Variants in ARHGAP23 observed in about 807,000 individuals in gnomAD.
ARHGAP23 encodes rho GTPase-activating protein 23.
A neutral mutation model predicts 136.3 loss-of-function variants in ARHGAP23; 34 were observed. That is an observed-to-expected ratio of 0.25 (90% CI 0.19 to 0.33). The LOEUF is 0.33. ARHGAP23 is among the 10% of genes least tolerant of loss of function. The pLI is 1.00. For synonymous variants in ARHGAP23, 832 were observed against 920.5 expected (o/e 0.90, Z 1.74); for missense variants, 1,808 against 2,139.0 (o/e 0.85, Z 3.05).
intron 17 of ARHGAP23, among the ~76,000 whole-genome samples, chr17:38,486,460 C>T (rs1017224751): frequency 3.3e-5 from 5 of 151,334 alleles, no homozygotes; most frequent in Non-Finnish European, 7.4e-5. Flanking sequence ...GTGTTGCACT[C>T]CTGGGCTCAA....
Position 38,445,723 on chromosome 17 carries a change from G to T in ARHGAP23, c.64-12379G>T, listed in dbSNP as rs1203029831. ...GATCACGGCTCACTGCAGCCTTGAC[G>T]CCCTGGGCTCAAGGGATCCTCCCAT... On this transcript the variant is annotated intron_variant, in intron 1 of 23. Transcript: ENST00000622683. 4.0e-5 allele frequency among the ~76,000 whole-genome samples: 6 copies of T among 150,982 alleles called. No homozygotes were observed. In the South Asian group the frequency reaches 8.4e-4, roughly 21 times the overall value.
Position 38,463,336 on chromosome 17 carries a change from C to G in ARHGAP23, c.437C>G (p.Thr146Ser), listed in dbSNP as rs1411574522. 3.2e-6 allele frequency: 5 copies of G among 1,551,612 alleles called. No individual in the cohort carries two copies. The highest frequency in any genetic ancestry group is 3.5e-6 in the Non-Finnish European group (4 of 1,146,994). ...TCTGCCTGTCTCTGTAGTGATGACA[C>G]TCTGGAGCTGTCTATCATGCCCAAG... Reference protein sequence around the residue: ...VIALIQNSDDTLELSIMPKDE... With the variant: ...VIALIQNSDDSLELSIMPKDE... Residue 146 changes from threonine (T) to serine (S), a missense_variant, in exon 6 of 24, where the codon ACT (threonine) becomes AGT (serine). This residue lies in a region of ARHGAP23 where 859 missense variants were observed against 936.4 expected (regional missense o/e 0.92). Coordinates refer to ENST00000622683, the MANE Select transcript of ARHGAP23 (RefSeq NM_001199417.2).
intron 20 of ARHGAP23, among the ~76,000 whole-genome samples, chr17:38,493,228 A>C (rs1018815380): frequency 2.9e-5 from 4 of 138,776 alleles, no homozygotes; most frequent in African/African-American, 1.1e-4. Context: ...TTTTTGATAG[A>C]GTCTCAGTCT....
rs754612095 is a variant in ARHGAP23, at chr17:38,469,199, T to C, written c.1704T>C (p.Ala568=). The C allele has an allele frequency of 2.6e-6, 4 of 1,551,550 alleles. No homozygotes were observed. The highest frequency in any genetic ancestry group is 2.0e-5 in the Admixed American group (1 of 50,962). ...DLQAKHVPAS[A]VVSSAMNSAP... The stretch of plus-strand genomic sequence containing the variant: ...AAGCCAAGCACGTCCCTGCCTCTGC[T>C]GTGGTCTCCAGTGCCATGAACTCAG... Residue 568 remains alanine (A), a synonymous_variant, in exon 8 of 24, where the codon GCT becomes GCC. Coordinates refer to ENST00000622683, the MANE Select transcript of ARHGAP23 (RefSeq NM_001199417.2).
At chr17:38,502,319 G>A (rs2040540457) in intron 23 of ARHGAP23, among the ~76,000 whole-genome samples, 1 of 152,166 alleles carries the variant, frequency 6.6e-6, no homozygotes. Flanking sequence ...AAAAAGAAAG[G>A]AAAATAGAAG....
Position 38,509,951 on chromosome 17 carries a change from G to C in ARHGAP23, c.3455G>C (p.Trp1152Ser). ...GACCTGTCTCCCACACAGGGTTCGT[G>C]GGCCCCCAAGAAGGAGCCGTACGCC... ...TCSSAKSKGS[W>S]APKKEPYARE... The change falls in exon 24 of 24, where the codon TGG becomes TCG. Residue 1152 changes from tryptophan (W) to serine (S), a missense_variant. Trp to Ser is a radical substitution (Grantham distance 177, BLOSUM62 -3). Coordinates refer to ENST00000622683, the MANE Select transcript of ARHGAP23 (RefSeq NM_001199417.2). 8.0e-7 allele frequency: 1 copy of C among 1,250,322 alleles called. No individual in the cohort carries two copies. The highest frequency in any genetic ancestry group is 3.9e-5 in the South Asian group (1 of 25,502). The allele number at this position is 1,250,322 out of a possible 1,614,324, so 77.5% of individuals were successfully genotyped here. A position where few individuals can be genotyped will look rare whatever the true frequency, so the allele number is the denominator to read the frequency against.
At position 38,466,308 on chromosome 17, in the gene ARHGAP23, C is replaced by G. The variant is rs1200581299; in HGVS notation, c.625C>G (p.Pro209Ala). 1.9e-6 allele frequency: 3 copies of G among 1,546,242 alleles called. No homozygotes were observed. The African/African-American group carries it at 4.1e-5, about 21-fold the overall frequency. Residue 209 changes from proline (P) to alanine (A), a missense_variant, in exon 7 of 24, where the codon CCT becomes GCT. This residue lies in a region of ARHGAP23 where 859 missense variants were observed against 936.4 expected (regional missense o/e 0.92). Coordinates refer to ENST00000622683, the MANE Select transcript of ARHGAP23 (RefSeq NM_001199417.2). ...GGCCTCCACCAGGGCCACTATGGTG[C>G]CTGAGCCCACCTCAGCACTGCCCAG... ...ARASTRATMVPEPTSALPSDP... is the reference protein window; with the variant it reads ...ARASTRATMVAEPTSALPSDP...
chr17:38,453,938 G>C lies in ARHGAP23; in HGVS notation c.64-4164G>C, dbSNP rs1255455633. 3 of 146,242 alleles carry C rather than the reference G, an allele frequency of 2.1e-5. No individual in the cohort carries two copies. The East Asian group carries it at 5.9e-4, about 29-fold the overall frequency. The allele number at this position is 146,242 out of a possible 1,614,324, so 9.1% of individuals were successfully genotyped here. A position where few individuals can be genotyped will look rare whatever the true frequency, so the allele number is the denominator to read the frequency against. ...GCCCGGCCTGGGGCGTACTGGGGCC[G>C]GGGCAGTGGCCGGGCCCGGGAGCCC... On this transcript the variant is annotated intron_variant, in intron 1 of 23. Coordinates refer to ENST00000622683, the MANE Select transcript of ARHGAP23 (RefSeq NM_001199417.2).
intron 23 of ARHGAP23, among the ~76,000 whole-genome samples, chr17:38,503,134 A>T (rs911565131): frequency 1.3e-5 from 2 of 152,204 alleles, no homozygotes; most frequent in Non-Finnish European, 2.9e-5. Flanking sequence ...ACAGAGAGAG[A>T]GAGGAAGAGC....
intron 16 of ARHGAP23, among the ~76,000 whole-genome samples, chr17:38,483,960 G>A (rs1311358994): frequency 6.6e-6 from 1 of 152,172 alleles, no homozygotes. Context: ...GAGGCCCCAG[G>A]GGGACAGAGA....
chr17:38,477,668 C>G lies in ARHGAP23; in HGVS notation c.2208C>G (p.Pro736=), dbSNP rs1459338718. 2 of 1,287,724 alleles carry G rather than the reference C, an allele frequency of 1.6e-6. No homozygotes were observed. The highest frequency in any genetic ancestry group is 4.4e-5 in the Admixed American group (1 of 22,956). 79.8% of individuals were successfully genotyped at this position (1,287,724 alleles called of 1,614,324 possible). A position where few individuals can be genotyped will look rare whatever the true frequency, so the allele number is the denominator to read the frequency against. The change falls in exon 12 of 24, where the codon CCC becomes CCG. Residue 736 remains proline (P), a synonymous_variant. Transcript: ENST00000622683. This position sits in a 1 kb window ranked among gnomAD's most constrained non-coding sequence, Gnocchi z 6.6. ...SLSLSKERRE[P]GPAAAGAAAA... ...CGCTGAGCAAGGAGCGGCGGGAGCC[C>G]GGGCCGGCGGCGGCGGGGGCTGCGG...
chr17:38,446,495 A>G (rs1229782635), intron 1 of ARHGAP23, among the ~76,000 whole-genome samples: 5 of 152,148 alleles, frequency 3.3e-5, no homozygotes, highest in Non-Finnish European at 7.3e-5. Flanking sequence ...GCTGTTGTGA[A>G]TAACACTGCT....
At chr17:38,492,136 G>A (rs1286078131) in intron 20 of ARHGAP23, among the ~76,000 whole-genome samples, 3 of 152,178 alleles carry the variant, frequency 2.0e-5, no homozygotes, top group Non-Finnish European at 4.4e-5. Flanking sequence ...CCCTGGTCCT[G>A]TAGGTTCTTG....
intron 1 of ARHGAP23, among the ~76,000 whole-genome samples, chr17:38,449,428 G>C (rs934798730): frequency 2.0e-5 from 3 of 152,226 alleles, no homozygotes; most frequent in African/African-American, 7.2e-5. Context: ...GGAGACACAG[G>C]CTTGCTTGGC....
In ARHGAP23 at chr17:38,482,504, C is replaced by T. The variant is rs2065428409; in HGVS notation, c.2752-19C>T. On this transcript the variant is annotated intron_variant, in intron 15 of 23. Transcript: ENST00000622683. ...CTCTGGCCCCTGTCCCCCCTAACAC[C>T]CCTCCCATGTGTCCCCAGCGCGTCC... 13 of 1,530,790 alleles carry T rather than the reference C, an allele frequency of 8.5e-6. No homozygotes were observed. The highest frequency in any genetic ancestry group is 1.1e-5 in the Non-Finnish European group (13 of 1,132,270). 94.8% of individuals were successfully genotyped at this position (1,530,790 alleles called of 1,614,324 possible). A position where few individuals can be genotyped will look rare whatever the true frequency, so the allele number is the denominator to read the frequency against.
chr17:38,503,722 C>T (rs2144804763), intron 23 of ARHGAP23, among the ~76,000 whole-genome samples: 1 of 152,338 alleles, frequency 6.6e-6, no homozygotes, highest in Non-Finnish European at 1.5e-5. Context: ...GCCTGCCTGA[C>T]TCCTGCATTA....
chr17:38,483,692 G>C (rs2040097466), intron 16 of ARHGAP23, among the ~76,000 whole-genome samples: 2 of 152,254 alleles, frequency 1.3e-5, no homozygotes, highest in South Asian at 2.1e-4. Flanking sequence ...AAGTGTGTGT[G>C]AAATTGTGGA....
chr17:38,475,474 CCAG>C (rs1469596939), intron 11 of ARHGAP23, among the ~76,000 whole-genome samples: 1 of 152,216 alleles, frequency 6.6e-6, no homozygotes, highest in South Asian at 2.1e-4. Flanking sequence ...CTGTCCCCAT[CCAG>C]CAGTTCTGTG....
intron 1 of ARHGAP23, among the ~76,000 whole-genome samples, chr17:38,447,287 C>A (rs1356673170): frequency 6.6e-6 from 1 of 151,264 alleles, no homozygotes; most frequent in Non-Finnish European, 1.5e-5. Context: ...ACTGAAAATA[C>A]AAAATTTAGC....
Sources: gnomAD v4.1 joint callset for allele counts (sites outside exome capture counted in the v4.1 genomes callset) on GRCh38, gnomAD v4.1.1 for gene constraint, gnomAD v4.1.1 regional missense constraint, Gnocchi (gnomAD v3.1) non-coding constraint, MANE v1.5 for transcripts, NCBI Gene and HGNC (gene_info 2026-07-23, HGNC 2026-07-21) for gene names.